Variants in ADGRA1 observed in about 807,000 individuals in gnomAD.
ADGRA1 encodes the protein adhesion G protein-coupled receptor A1.
In ADGRA1, 12 loss-of-function variants were observed where a neutral mutation model predicts 21.3. That is an observed-to-expected ratio of 0.56 (90% CI 0.36 to 0.91). The LOEUF (loss-of-function observed/expected upper bound fraction) is 0.91, where lower values mean the gene tolerates loss of function less well. ADGRA1 is among the 40% of genes least tolerant of loss of function. The pLI is 0.01. For synonymous variants in ADGRA1, 385 were observed against 368.8 expected, an observed-to-expected ratio of 1.04 and a Z score of -0.50; for missense variants, 790 against 805.6, an observed-to-expected ratio of 0.98 and a Z score of 0.23.
intron 2 of ADGRA1, among the ~76,000 whole-genome samples, chr10:133,089,475 A>C (rs2998113): frequency 6.6e-6 from 1 of 152,232 alleles, no homozygotes; most frequent in East Asian, 1.9e-4. Context: ...CGGCTAGCCG[A>C]GCCCATCGTG....
At chr10:133,101,182 T>A (rs1851786637) in intron 4 of ADGRA1, among the ~76,000 whole-genome samples, 1 of 152,176 alleles carries the variant, frequency 6.6e-6, no homozygotes, top group Admixed American at 6.5e-5. Context: ...TATGGGCCAG[T>A]GGTGGCTGAT....
intron 5 of ADGRA1, among the ~76,000 whole-genome samples, chr10:133,103,793 G>A (rs736017): frequency 0.17 from 25,991 of 152,268 alleles, 2,306 homozygotes; most frequent in Non-Finnish European, 0.2. Flanking sequence ...AGCGCCTTTG[G>A]TGTTTCCTTT....
chr10:133,128,943 G>A lies in ADGRA1; in HGVS notation c.1115G>A (p.Gly372Asp). Residue 372 changes from glycine (G) to aspartate (D), a missense_variant, in exon 7 of 7, where the codon GGC becomes GAC. Physicochemically the swap from Gly to Asp is moderately conservative, Grantham distance 94. Coordinates refer to ENST00000392607, the MANE Select transcript of ADGRA1 (RefSeq NM_001083909.3). Reference sequence around the variant, plus strand: ...ATGACCAACCTGCAGGCCGCGCAGGGCCACGCCAGTTGCCTGTCACCGGCC... The same window carrying A: ...ATGACCAACCTGCAGGCCGCGCAGGACCACGCCAGTTGCCTGTCACCGGCC... ...CKMTNLQAAQ[G>D]HASCLSPATP... 6.4e-7 allele frequency: 1 copy of A among 1,557,006 alleles called. No individual in the cohort carries two copies. Among genetic ancestry groups the A allele is most frequent in the Non-Finnish European group, 8.7e-7 (1 of 1,154,202 alleles).
Position 133,088,884 on chromosome 10 carries a change from C to A in ADGRA1, c.-26C>A. On this transcript the variant is annotated 5_prime_UTR_variant, in exon 2 of 7. Transcript: ENST00000392607. ...CCTGGACGCCTCCTCCAGCGGCGCT[C>A]ACGCTTCCGCAACTTTGCAGCGCTC... 1 of 1,239,510 alleles carries A rather than the reference C, an allele frequency of 8.1e-7. No individual in the cohort carries two copies. The allele number at this position is 1,239,510 out of a possible 1,614,324, so 76.8% of individuals were successfully genotyped here.
At chr10:133,095,697 G>A (rs750491023) in intron 2 of ADGRA1, 45 of 1,597,596 alleles carry the variant, frequency 2.8e-5, no homozygotes, top group Middle Eastern at 1.6e-4. Context: ...CCAGGGCCTC[G>A]TCTTGGCTGG....
intron 5 of ADGRA1, among the ~76,000 whole-genome samples, chr10:133,116,889 T>C (rs576702419): frequency 4.1e-4 from 62 of 152,134 alleles, no homozygotes; most frequent in African/African-American, 1.4e-3. Flanking sequence ...GCCAGGATAG[T>C]GTCAGCACAG....
chr10:133,110,504 A>G (rs1851968961), intron 5 of ADGRA1, among the ~76,000 whole-genome samples: 2 of 152,242 alleles, frequency 1.3e-5, no homozygotes, highest in Admixed American at 6.5e-5. Flanking sequence ...GCCACGCCCC[A>G]GAGCTGGCCC....
chr10:133,089,181 A>C (rs1301511010), intron 2 of ADGRA1: 4 of 531,164 alleles, frequency 7.5e-6, no homozygotes, highest in Non-Finnish European at 1.2e-5. Context: ...TAATCAATGG[A>C]GGCGACGTCC....
Position 133,103,854 on chromosome 10 carries a change from G to C in ADGRA1, c.401+1012G>C, listed in dbSNP as rs11101928. Among the ~76,000 whole-genome samples the C allele has an allele frequency of 7.0e-3, 1,064 of 152,346 alleles. 10 individuals carry two copies. Among genetic ancestry groups the C allele is most frequent in the Non-Finnish European group, 0.01 (701 of 68,012 alleles). ...ACAGTTGGCGAAAGCCAGGCTCGGA[G>C]CGTGGCCTCGAGGCCTTGGGTGCCT... On this transcript the variant is annotated intron_variant, in intron 5 of 6. Coordinates refer to ENST00000392607, the MANE Select transcript of ADGRA1 (RefSeq NM_001083909.3).
At chr10:133,089,048 G>C in intron 2 of ADGRA1, 136 bp downstream of exon 2, 4 of 1,233,286 alleles carry the variant, frequency 3.2e-6, no homozygotes, top group African/African-American at 1.5e-5. Flanking sequence ...GCTCAGTGCC[G>C]GGGTGGGAGG....
chr10:133,096,272 A>T (rs1851687451), intron 2 of ADGRA1, among the ~76,000 whole-genome samples: 1 of 151,694 alleles, frequency 6.6e-6, no homozygotes, highest in Admixed American at 6.6e-5. Flanking sequence ...AGCTCACCTC[A>T]CTCACCTGAT....
chr10:133,111,068 C>T (rs1327800575), intron 5 of ADGRA1, among the ~76,000 whole-genome samples: 1 of 151,052 alleles, frequency 6.6e-6, no homozygotes, highest in Non-Finnish European at 1.5e-5. Flanking sequence ...CCCTCCTAAT[C>T]CTGCCAAGCC....
At chr10:133,112,254 C>T (rs940298321) in intron 5 of ADGRA1, among the ~76,000 whole-genome samples, 3 of 152,240 alleles carry the variant, frequency 2.0e-5, no homozygotes, top group African/African-American at 4.8e-5. Context: ...CTTAATTTTG[C>T]AGTACGGCCA....
rs1851577592 is a variant in ADGRA1 at position 133,090,332 on chromosome 10, C to G, written c.3+1420C>G. Among the ~76,000 whole-genome samples the G allele has an allele frequency of 2.0e-5, 3 of 152,358 alleles. No individual in the cohort carries two copies. In the South Asian group the frequency reaches 6.2e-4, roughly 32 times the overall value. ...TACCACCTCCTCGGCCCGGGGCCAC[C>G]CGGTCCCAGCCGGCCTGGCAGCCCA... On this transcript the variant is annotated intron_variant, in intron 2 of 6. Coordinates refer to ENST00000392607, the MANE Select transcript of ADGRA1 (RefSeq NM_001083909.3).
Position 133,129,297 on chromosome 10 carries a change from G to C in ADGRA1, c.1469G>C (p.Ser490Thr). The change falls in exon 7 of 7, where the codon AGC becomes ACC. Residue 490 changes from serine to threonine, a missense_variant. Ser to Thr is a moderately conservative substitution (Grantham distance 58, BLOSUM62 1). Transcript: ENST00000392607. Reference protein sequence around the residue: ...MVTQPEGSDGSPALYSCPTQP... With the variant: ...MVTQPEGSDGTPALYSCPTQP... ...ACCCAGCCCGAGGGCAGTGATGGGA[G>C]CCCTGCCCTCTACAGCTGCCCCACG... The C allele has an allele frequency of 6.4e-7, 1 of 1,552,636 alleles. No individual in the cohort carries two copies. The highest frequency in any genetic ancestry group is 8.7e-7 in the Non-Finnish European group (1 of 1,148,966).
Position 133,089,064 on chromosome 10 carries a change from T to C in ADGRA1, c.3+152T>C, listed in dbSNP as rs781277235. The C allele has an allele frequency of 3.0e-4, 366 of 1,224,956 alleles. 3 individuals carry two copies. The highest frequency in any genetic ancestry group is 2.5e-4 in the Admixed American group (6 of 23,674). The allele number at this position is 1,224,956 out of a possible 1,614,324, so 75.9% of individuals were successfully genotyped here. A position where few individuals can be genotyped will look rare whatever the true frequency, so the allele number is the denominator to read the frequency against. Reference sequence around the variant, plus strand: ...CTCAGTGCCGGGGTGGGAGGCTCTGTGGAGTGGGGGCCGGGGACAGGCCGC... The same window carrying C: ...CTCAGTGCCGGGGTGGGAGGCTCTGCGGAGTGGGGGCCGGGGACAGGCCGC... On this transcript the variant is annotated intron_variant, in intron 2 of 6. Coordinates refer to ENST00000392607, the MANE Select transcript of ADGRA1 (RefSeq NM_001083909.3).
At chr10:133,121,396 G>A (rs1383341649) in intron 5 of ADGRA1, among the ~76,000 whole-genome samples, 1 of 151,774 alleles carries the variant, frequency 6.6e-6, no homozygotes, top group East Asian at 1.9e-4. Flanking sequence ...TGTGGTGTGT[G>A]TCAGTGTGCG....
intron 5 of ADGRA1, among the ~76,000 whole-genome samples, chr10:133,116,022 C>T (rs114227503): frequency 0.019 from 2,943 of 151,198 alleles, 112 homozygotes; most frequent in African/African-American, 0.067. Flanking sequence ...CCCTCTCCCT[C>T]CCCCTCATTC....
At position 133,098,589 on chromosome 10, in the gene ADGRA1, T is replaced by TC. The variant is rs565866072; in HGVS notation, c.132-46dup. The TC allele has an allele frequency of 7.8e-5, 122 of 1,565,334 alleles. 1 individual carries two copies. The East Asian group carries it at 2.6e-3, about 33-fold the overall frequency. On this transcript the variant is annotated intron_variant, in intron 3 of 6. Coordinates refer to ENST00000392607, the MANE Select transcript of ADGRA1 (RefSeq NM_001083909.3). ...GCCCCAGGGGGCTCCCTTCCACGCC[T>TC]CCCCCTGCAGAGCCTCTGCTCATGT...
Sources: gnomAD v4.1 joint callset for allele counts (sites outside exome capture counted in the v4.1 genomes callset) on GRCh38, gnomAD v4.1.1 for gene constraint, MANE v1.5 for transcripts, NCBI Gene and HGNC (gene_info 2026-07-23, HGNC 2026-07-21) for gene names.